UTS2B: variants seen among roughly 807,000 people sequenced by gnomAD.
UTS2B encodes urotensin 2B, also known as urotensin-2B.
Under a neutral mutation model 19.2 loss-of-function variants are expected in UTS2B, and 21 were observed. That is an observed-to-expected ratio of 1.09 (90% CI 0.78 to 1.58). The LOEUF (loss-of-function observed/expected upper bound fraction) is 1.58. Ranked by LOEUF, UTS2B falls within the 40% of genes most tolerant of loss-of-function variation. The pLI is 0.00. For missense variants in UTS2B, 138 were observed against 130.3 expected (o/e 1.06, Z -0.29); for synonymous variants, 57 against 50.2 (o/e 1.14, Z -0.58).
chr3:191,268,396 T>C lies in UTS2B; in HGVS notation c.*20A>G. ...ATTTTCCTGATATTCTTATCTTTTTTTGCATCCAGAGAAAAAGCTTTAAAC... is the reference window on the plus strand; with the variant it reads ...ATTTTCCTGATATTCTTATCTTTTTCTGCATCCAGAGAAAAAGCTTTAAAC... On this transcript the variant is annotated 3_prime_UTR_variant, in exon 9 of 9. Coordinates refer to ENST00000340524, the MANE Select transcript of UTS2B (RefSeq NM_198152.5). The C allele has an allele frequency of 2.6e-6, 4 of 1,553,790 alleles. No homozygotes were observed. In the South Asian group the frequency reaches 4.7e-5, roughly 18 times the overall value.
At chr3:191,337,545 G>C in the UTS2B span, among the ~76,000 whole-genome samples, 2,156 of 151,988 alleles carry the variant, frequency 0.014, 45 homozygotes, top group African/African-American at 0.049. Flanking sequence ...GGGTTTCACT[G>C]TGTTGGCCCG....
chr3:191,297,805 A>G (rs899146493), intron 4 of UTS2B, among the ~76,000 whole-genome samples: 2 of 152,244 alleles, frequency 1.3e-5, no homozygotes, highest in African/African-American at 4.8e-5. Flanking sequence ...TAACTGAAAT[A>G]ATCTCTATTT....
At chr3:191,300,220 T>G (rs530425889) in intron 4 of UTS2B, among the ~76,000 whole-genome samples, 31 of 151,956 alleles carry the variant, frequency 2.0e-4, no homozygotes, top group African/African-American at 7.2e-4. Context: ...TGGCTAATTT[T>G]TGTATTTTTA....
At chr3:191,313,888 G>T (rs571021579) in intron 3 of UTS2B, among the ~76,000 whole-genome samples, 1 of 151,940 alleles carries the variant, frequency 6.6e-6, no homozygotes, top group East Asian at 1.9e-4. Flanking sequence ...CTGCCACCAT[G>T]CCCAACTAAT....
At chr3:191,302,099 A>T (rs1717020240) in intron 4 of UTS2B, among the ~76,000 whole-genome samples, 1 of 152,212 alleles carries the variant, frequency 6.6e-6, no homozygotes, top group Non-Finnish European at 1.5e-5. Context: ...CTGATAAAAT[A>T]GGATGCAATC....
the UTS2B span, among the ~76,000 whole-genome samples, chr3:191,346,109 G>A: frequency 2.0e-5 from 3 of 152,096 alleles, no homozygotes; most frequent in African/African-American, 7.2e-5. Flanking sequence ...ACAAATTTGG[G>A]ACCATATGTG....
At chr3:191,273,833 AT>A (rs1487117813) in intron 8 of UTS2B, among the ~76,000 whole-genome samples, 2 of 152,136 alleles carry the variant, frequency 1.3e-5, no homozygotes, top group African/African-American at 2.4e-5. Flanking sequence ...ACACCTGCCT[AT>A]TTTTTACACT....
chr3:191,333,563 T>C (rs1174252483), upstream of UTS2B, among the ~76,000 whole-genome samples: 1 of 152,210 alleles, frequency 6.6e-6, no homozygotes, highest in Admixed American at 6.5e-5. Flanking sequence ...TGGTTTTTAA[T>C]GAGACCCTGG....
At chr3:191,299,813 C>A (rs1420240262) in intron 4 of UTS2B, among the ~76,000 whole-genome samples, 1 of 152,248 alleles carries the variant, frequency 6.6e-6, no homozygotes, top group East Asian at 1.9e-4. Context: ...AAGAAATCAA[C>A]ACCAGCCCTT....
At chr3:191,302,083 ACTGAC>A (rs1717019782) in intron 4 of UTS2B, among the ~76,000 whole-genome samples, 1 of 152,222 alleles carries the variant, frequency 6.6e-6, no homozygotes, top group Admixed American at 6.5e-5. Context: ...TCATGCAGAC[ACTGAC>A]CTGATAAAAT....
chr3:191,289,363 T>C (rs143495077), intron 4 of UTS2B, among the ~76,000 whole-genome samples: 4,039 of 151,504 alleles, frequency 0.027, 155 homozygotes, highest in African/African-American at 0.093. Context: ...GAGTGGAGAT[T>C]GCGCCACTGC....
intron 4 of UTS2B, among the ~76,000 whole-genome samples, chr3:191,291,688 G>A (rs189316239): frequency 3.9e-5 from 6 of 152,194 alleles, no homozygotes; most frequent in East Asian, 1.9e-4. Context: ...TCCTGACCTC[G>A]TGATCCACCC....
chr3:191,308,962 CCATTAA>C (rs1717215921), intron 3 of UTS2B, among the ~76,000 whole-genome samples: 1 of 152,136 alleles, frequency 6.6e-6, no homozygotes, highest in South Asian at 2.1e-4. Flanking sequence ...GAGACTAGGA[CCATTAA>C]CATAGTCATG....
At chr3:191,307,866 C>T (rs1433095516) in intron 3 of UTS2B, among the ~76,000 whole-genome samples, 1 of 143,084 alleles carries the variant, frequency 7.0e-6, no homozygotes, top group Non-Finnish European at 1.5e-5. Context: ...GTCAGAGTCT[C>T]GCTCCGTTGC....
At chr3:191,311,582 C>T (rs949486294) in intron 3 of UTS2B, among the ~76,000 whole-genome samples, 31 of 152,188 alleles carry the variant, frequency 2.0e-4, no homozygotes, top group Non-Finnish European at 2.9e-4. Context: ...ACTATTCCAA[C>T]GGCCTGTTCC....
At chr3:191,275,486 C>T (rs770899776) in intron 7 of UTS2B, 141 bp from the exon 8 acceptor site, 12 of 601,196 alleles carry the variant, frequency 2.0e-5, no homozygotes, top group Admixed American at 1.1e-4. Context: ...CAAGACCATC[C>T]TGGCTAACAC....
chr3:191,339,394 T>C, the UTS2B span, among the ~76,000 whole-genome samples: 1 of 152,284 alleles, frequency 6.6e-6, no homozygotes. Context: ...TTTGACTCTA[T>C]ATAAAAAAAG....
At chr3:191,315,013 A>ATTT (rs796258238) in intron 3 of UTS2B, among the ~76,000 whole-genome samples, 6 of 143,552 alleles carry the variant, frequency 4.2e-5, no homozygotes, top group African/African-American at 1.5e-4. Flanking sequence ...CCACCCTAGA[A>ATTT]TTTTTTTTTT....
intron 4 of UTS2B, among the ~76,000 whole-genome samples, chr3:191,283,479 TA>T (rs1716445629): frequency 7.1e-6 from 1 of 140,318 alleles, no homozygotes. Flanking sequence ...ATTTTGTTTG[TA>T]TATCTACTAC....
Sources: allele counts gnomAD v4.1 joint callset (sites outside exome capture counted in the v4.1 genomes callset), GRCh38; gene constraint gnomAD v4.1.1; transcripts MANE v1.5; gene names NCBI Gene and HGNC (gene_info 2026-07-23, HGNC 2026-07-21).